Variants in USP31 observed in about 807,000 individuals in gnomAD.
USP31 encodes ubiquitin specific peptidase 31.
A neutral mutation model predicts 119.4 loss-of-function variants in USP31; 44 were observed. That is an observed-to-expected ratio of 0.37 (90% CI 0.29 to 0.47). The LOEUF (loss-of-function observed/expected upper bound fraction) is 0.47, where lower values mean the gene tolerates loss of function less well. Among genes scored for constraint, USP31 ranks in the 20% least tolerant of loss-of-function variants. USP31 has a pLI of 0.99. For synonymous variants in USP31, 749 were observed against 705.6 expected, an observed-to-expected ratio of 1.06 and a Z score of -0.97; for missense variants, 1,643 against 1,730.2, an observed-to-expected ratio of 0.95 and a Z score of 0.89.
chr16:23,105,558 T>C lies in USP31; in HGVS notation c.972A>G (p.Val324=). ...LPHTRPLYVT[V]VYQGKCSHCM... ...AGTGAGAACATTTGCCTTGATACAC[T>C]ACAGTGACATAGAGAGGCCTGTACA... The change falls in exon 5 of 16, where the codon GTA becomes GTG. Residue 324 remains valine (V), a synonymous_variant. Coordinates refer to ENST00000219689, the MANE Select transcript of USP31 (RefSeq NM_020718.4). The C allele has an allele frequency of 6.2e-7, 1 of 1,613,976 alleles. No individual in the cohort carries two copies. The highest frequency in any genetic ancestry group is 8.5e-7 in the Non-Finnish European group (1 of 1,179,988).
chr16:23,141,369 A>G lies in USP31; in HGVS notation c.633+7269T>C, dbSNP rs964444448. On this transcript the variant is annotated intron_variant, in intron 1 of 15. Transcript: ENST00000219689. Reference sequence around the variant, plus strand: ...ATACACCTATCTATTTCTCTTTAGCATTTATACAATAATTTTTTTTTTTTT... The same window carrying G: ...ATACACCTATCTATTTCTCTTTAGCGTTTATACAATAATTTTTTTTTTTTT... 4.0e-5 allele frequency among the ~76,000 whole-genome samples: 6 copies of G among 150,180 alleles called. 1 individual carries two copies. Among genetic ancestry groups the G allele is most frequent in the African/African-American group, 1.5e-4 (6 of 41,004 alleles).
chr16:23,085,124 T>C, intron 10 of USP31, 135 bp from the exon 11 acceptor site: 5 of 1,288,500 alleles, frequency 3.9e-6, no homozygotes, highest in Non-Finnish European at 5.3e-6. Context: ...AAAACAAAAG[T>C]AGTGACCCAA....
intron 6 of USP31, among the ~76,000 whole-genome samples, chr16:23,100,591 G>A (rs1901805672): frequency 6.6e-6 from 1 of 152,016 alleles, no homozygotes; most frequent in Non-Finnish European, 1.5e-5. Context: ...TGGCCAACAT[G>A]GTGAAACCCT....
intron 9 of USP31, 99 bp downstream of exon 9, chr16:23,086,993 C>T (rs1467484719): frequency 5.9e-6 from 5 of 853,586 alleles, no homozygotes; most frequent in Non-Finnish European, 9.0e-6. Flanking sequence ...CCTAAAGAAC[C>T]CTGCACACTT....
intron 1 of USP31, among the ~76,000 whole-genome samples, chr16:23,147,391 G>A (rs1233217497): frequency 6.6e-6 from 1 of 152,198 alleles, no homozygotes; most frequent in South Asian, 2.1e-4. Context: ...TTACAGGCAT[G>A]AGCCACTGCG....
intron 1 of USP31, among the ~76,000 whole-genome samples, chr16:23,129,102 T>C (rs558804563): frequency 6.6e-6 from 1 of 152,320 alleles, no homozygotes; most frequent in Admixed American, 6.5e-5. Flanking sequence ...TGTATTGTAT[T>C]TTACAAACAG....
intron 5 of USP31, among the ~76,000 whole-genome samples, chr16:23,104,910 C>T (rs775139480): frequency 5.9e-5 from 9 of 152,170 alleles, no homozygotes; most frequent in Non-Finnish European, 1.0e-4. Context: ...AAAAGGGATG[C>T]GGCATGGGCA....
chr16:23,117,760 T>TTTTTTTTG (rs1555468289), intron 1 of USP31, among the ~76,000 whole-genome samples: 25,183 of 143,430 alleles, frequency 0.18, 2,205 homozygotes, highest in Admixed American at 0.23. Context: ...TCTTTTTTTT[T>TTTTTTTTG]TTGTTGTTGT....
chr16:23,098,032 T>C (rs1354833789), intron 6 of USP31, among the ~76,000 whole-genome samples: 3 of 152,190 alleles, frequency 2.0e-5, no homozygotes, highest in African/African-American at 7.2e-5. Context: ...GAAGTCAAAT[T>C]GTCCCTGTTT....
Position 23,069,571 on chromosome 16 carries a change from C to G in USP31, c.2534G>C (p.Ser845Thr). 6.2e-7 allele frequency: 1 copy of G among 1,613,538 alleles called. No homozygotes were observed. The highest frequency in any genetic ancestry group is 8.5e-7 in the Non-Finnish European group (1 of 1,179,492). The change falls in exon 16 of 16, where the codon AGT (serine) becomes ACT (threonine). Residue 845 changes from serine (S) to threonine (T), a missense_variant. By Grantham distance (58) the Ser-to-Thr change is moderately conservative (BLOSUM62 1). Transcript: ENST00000219689. ...GGTGACAGAAGATCTGGATGACAAACTCTGACGCTGGACACTTCTCACAAA... is the reference window on the plus strand; with the variant it reads ...GGTGACAGAAGATCTGGATGACAAAGTCTGACGCTGGACACTTCTCACAAA... ...RPFVRSVQRQ[S>T]LSSRSSVTSP...
At chr16:23,139,362 A>T (rs910508078) in intron 1 of USP31, among the ~76,000 whole-genome samples, 2 of 152,180 alleles carry the variant, frequency 1.3e-5, no homozygotes, top group African/African-American at 2.4e-5. Context: ...AGATCACGCT[A>T]ATCACACCAC....
chr16:23,117,576 C>G (rs181565473), intron 1 of USP31, among the ~76,000 whole-genome samples: 53 of 152,240 alleles, frequency 3.5e-4, no homozygotes, highest in Admixed American at 7.2e-4. Flanking sequence ...GCCAGACAAA[C>G]AAGGAGCAAA....
At chr16:23,080,862 T>A (rs1567228453) in intron 12 of USP31, among the ~76,000 whole-genome samples, 1 of 152,098 alleles carries the variant, frequency 6.6e-6, no homozygotes, top group South Asian at 2.1e-4. Context: ...GAGAAAGGGA[T>A]GATGGGTCCT....
rs750822461 is a variant in USP31 at position 23,068,215 on chromosome 16, T to A, written c.3890A>T (p.Asp1297Val). 1.2e-6 allele frequency: 2 copies of A among 1,614,118 alleles called. No individual in the cohort carries two copies. The highest frequency in any genetic ancestry group is 1.7e-6 in the Non-Finnish European group (2 of 1,180,016). ...CAGGGAATGTTTGGCAGAAGCAGGG[T>A]CCTTGGTGACAAGCTGCTCTTTTCC... ...TTGKEQLVTK[D>V]PASAKHSLLS... The change falls in exon 16 of 16, where the codon GAC (aspartate) becomes GTC (valine). Residue 1297 changes from aspartate (D) to valine (V), a missense_variant. Coordinates refer to ENST00000219689, the MANE Select transcript of USP31 (RefSeq NM_020718.4).
intron 1 of USP31, among the ~76,000 whole-genome samples, chr16:23,132,520 T>C (rs552230477): frequency 6.6e-6 from 1 of 151,866 alleles, no homozygotes. Flanking sequence ...AGTAGCAGAG[T>C]CAAACTAAAA....
Position 23,064,134 on chromosome 16 carries a change from A to ACTTGTGC in USP31, c.*3911_*3912insGCACAAG, listed in dbSNP as rs1423159399. 1.3e-5 allele frequency: 2 copies of ACTTGTGC among 152,664 alleles called. No homozygotes were observed. The highest frequency in any genetic ancestry group is 4.8e-5 in the African/African-American group (2 of 41,468). 9.5% of individuals were successfully genotyped at this position (152,664 alleles called of 1,614,324 possible). Reference sequence around the variant, plus strand: ...CACGCACCTCCAGAATACGTGTTTTATTGAAACTGTGCTTATGACTTGCAT... The same window carrying ACTTGTGC: ...CACGCACCTCCAGAATACGTGTTTTACTTGTGCTTGAAACTGTGCTTATGACTTGCAT... On this transcript the variant is annotated 3_prime_UTR_variant, in exon 16 of 16. Coordinates refer to ENST00000219689, the MANE Select transcript of USP31 (RefSeq NM_020718.4).
chr16:23,074,227 G>A (rs139022584), intron 13 of USP31, among the ~76,000 whole-genome samples: 10 of 152,192 alleles, frequency 6.6e-5, no homozygotes, highest in African/African-American at 2.2e-4. Context: ...TCAAGGGAGA[G>A]GTGCTACTGG....
intron 7 of USP31, 60 bp from the exon 8 acceptor site, chr16:23,087,895 T>TC: frequency 7.0e-7 from 1 of 1,420,730 alleles, no homozygotes; most frequent in Non-Finnish European, 9.8e-7. Context: ...AACACTGTTA[T>TC]CTTTTTTTCT....
intron 6 of USP31, among the ~76,000 whole-genome samples, chr16:23,095,965 C>G (rs1036111331): frequency 6.6e-6 from 1 of 152,134 alleles, no homozygotes; most frequent in Non-Finnish European, 1.5e-5. Context: ...CAAATAACAT[C>G]ATAATAACAG....
Sources: allele counts gnomAD v4.1 joint callset (sites outside exome capture counted in the v4.1 genomes callset), GRCh38; gene constraint gnomAD v4.1.1; transcripts MANE v1.5; gene names NCBI Gene and HGNC (gene_info 2026-07-23, HGNC 2026-07-21).